Variants in DDX6 observed in about 807,000 individuals in gnomAD.
DDX6 encodes DEAD-box helicase 6.
DDX6 carries 7 observed loss-of-function variants against 60.6 expected under a neutral mutation model. That is an observed-to-expected ratio of 0.12 (90% CI 0.07 to 0.22). DDX6 has a LOEUF of 0.22. DDX6 is among the 10% of genes least tolerant of loss of function. DDX6 has a pLI of 1.00. For synonymous variants in DDX6, 207 were observed against 201.0 expected, an observed-to-expected ratio of 1.03 and a Z score of -0.25; for missense variants, 270 against 589.9, an observed-to-expected ratio of 0.46 and a Z score of 5.62.
At position 118,747,854 on chromosome 11, in the gene DDX6, G is replaced by A. The variant is rs1186119890; in HGVS notation, c.*4251C>T. On this transcript the variant is annotated 3_prime_UTR_variant, in exon 14 of 14. Coordinates refer to ENST00000534980, the MANE Select transcript of DDX6 (RefSeq NM_004397.6). ...AACCTTATAAACTCAGCAGACTCCG[G>A]TCCATATATGCGTACATACAACATA... 6.7e-6 allele frequency: 1 copy of A among 150,192 alleles called. No individual in the cohort carries two copies. The allele number at this position is 150,192 out of a possible 1,614,324, so 9.3% of individuals were successfully genotyped here.
Position 118,758,757 on chromosome 11 carries a change from A to C in DDX6, c.993+17T>G. The C allele has an allele frequency of 6.2e-7, 1 of 1,612,458 alleles. No homozygotes were observed. The highest frequency in any genetic ancestry group is 8.5e-7 in the Non-Finnish European group (1 of 1,179,288). ...GACTCGAGAGATAATATTCAACAGCAGAAGCCTACTTCTTACCCTGGAGAA... is the reference window on the plus strand; with the variant it reads ...GACTCGAGAGATAATATTCAACAGCCGAAGCCTACTTCTTACCCTGGAGAA... On this transcript the variant is annotated intron_variant, in intron 9 of 13. Coordinates refer to ENST00000534980, the MANE Select transcript of DDX6 (RefSeq NM_004397.6).
intron 5 of DDX6, among the ~76,000 whole-genome samples, chr11:118,766,200 G>C (rs1861348807): frequency 6.6e-6 from 1 of 152,092 alleles, no homozygotes. Context: ...GCTGAGGCAG[G>C]AGGATCGTTT....
At chr11:118,767,614 G>A (rs1229753997) in intron 5 of DDX6, 1 of 140,308 alleles carries the variant, frequency 7.1e-6, no homozygotes, top group Non-Finnish European at 1.5e-5. Flanking sequence ...AACTTCTCAT[G>A]ACCTCAGCCG....
chr11:118,763,632 G>A (rs1395467111), intron 6 of DDX6, among the ~76,000 whole-genome samples: 4 of 151,898 alleles, frequency 2.6e-5, no homozygotes, highest in African/African-American at 9.7e-5. Flanking sequence ...TCAGGAGTTC[G>A]AGACCAGCCT....
intron 13 of DDX6, among the ~76,000 whole-genome samples, chr11:118,754,382 G>C (rs1860891845): frequency 6.6e-6 from 1 of 152,088 alleles, no homozygotes; most frequent in Non-Finnish European, 1.5e-5. Context: ...ACTCCAGCCT[G>C]GATGACAGTG....
At position 118,758,827 on chromosome 11, in the gene DDX6, C is replaced by G; in HGVS notation, c.940G>C (p.Ala314Pro). ...ACTTTTTGGCGCTCAGTTACATATGCGTAGTACTGGGTTACTCCCTTCAGA... is the reference window on the plus strand; with the variant it reads ...ACTTTTTGGCGCTCAGTTACATATGGGTAGTACTGGGTTACTCCCTTCAGA... Reference protein sequence around the residue: ...LTLKGVTQYYAYVTERQKVHC... With the variant: ...LTLKGVTQYYPYVTERQKVHC... Residue 314 changes from alanine (A) to proline (P), a missense_variant, in exon 9 of 14, where the codon GCA (alanine) becomes CCA (proline). Around this residue, in one of 8 missense-constraint regions of DDX6, gnomAD observed 69 missense variants for 208.2 expected, o/e 0.33. Transcript: ENST00000534980. 6.2e-7 allele frequency: 1 copy of G among 1,613,760 alleles called. No individual in the cohort carries two copies. Among genetic ancestry groups the G allele is most frequent in the Non-Finnish European group, 8.5e-7 (1 of 1,179,806 alleles).
chr11:118,759,140 A>ACCTCCAC (rs1861079956), intron 8 of DDX6: 1 of 348,158 alleles, frequency 2.9e-6, no homozygotes, highest in Non-Finnish European at 5.2e-6. Flanking sequence ...GCTCCCTGCA[A>ACCTCCAC]CCTCCACCTC....
At chr11:118,756,111 C>A in intron 11 of DDX6, 149 bp downstream of exon 11, 1 of 562,972 alleles carries the variant, frequency 1.8e-6, no homozygotes, top group South Asian at 2.1e-5. Context: ...CAGGAGCTGA[C>A]AAGAGTTCAT....
At chr11:118,768,140 C>A in intron 5 of DDX6, 83 bp downstream of exon 5, 1 of 1,304,850 alleles carries the variant, frequency 7.7e-7, no homozygotes, top group Non-Finnish European at 1.0e-6. Flanking sequence ...TAAATTCTGA[C>A]TAAAAAAAGA....
At chr11:118,784,783 C>T (rs1021590408) in intron 2 of DDX6, among the ~76,000 whole-genome samples, 3 of 150,812 alleles carry the variant, frequency 2.0e-5, no homozygotes, top group African/African-American at 7.3e-5. Flanking sequence ...TGGAGTTTCG[C>T]TCTTGTTGCC....
chr11:118,763,157 T>C, intron 7 of DDX6, 55 bp downstream of exon 7: 2 of 1,247,950 alleles, frequency 1.6e-6, no homozygotes, highest in Non-Finnish European at 1.1e-6. Flanking sequence ...CTGGCAGTTA[T>C]AAGCAAAGCA....
rs1591925039 is a variant in DDX6 at position 118,783,826 on chromosome 11, T to TAAAAAAAAAAA, written c.200+2225_200+2226insTTTTTTTTTTT. On this transcript the variant is annotated intron_variant, in intron 2 of 13. Transcript: ENST00000534980. ...AGTCCATCTCAAAAAAAAAAAAAATTAAAAATAGGCTGGGCGCAGTGGCTC... is the reference window on the plus strand; with the variant it reads ...AGTCCATCTCAAAAAAAAAAAAAATTAAAAAAAAAAAAAAAATAGGCTGGGCGCAGTGGCTC... 2.3e-4 allele frequency among the ~76,000 whole-genome samples: 13 copies of TAAAAAAAAAAA among 55,502 alleles called. No individual in the cohort carries two copies. The East Asian group carries it at 3.3e-3, about 14-fold the overall frequency. 36.4% of individuals were successfully genotyped at this position (55,502 alleles called of 152,430 possible).
upstream of DDX6, chr11:118,791,310 C>T (rs1462948292): frequency 6.6e-6 from 1 of 152,146 alleles, no homozygotes; most frequent in Non-Finnish European, 1.5e-5. Flanking sequence ...GCGTCACTGC[C>T]TTCCTGGCCT....
intron 1 of DDX6, chr11:118,789,680 G>C (rs1457063086): frequency 6.6e-6 from 1 of 152,162 alleles, no homozygotes; most frequent in Non-Finnish European, 1.5e-5. Flanking sequence ...GCAGTTCACA[G>C]AGACTTAGCT....
chr11:118,777,897 G>GA (rs374046858), intron 4 of DDX6, among the ~76,000 whole-genome samples: 3,370 of 99,602 alleles, frequency 0.034, 201 homozygotes, highest in African/African-American at 0.12. Context: ...TCAAAAAAGA[G>GA]AAAAAAAAAA....
chr11:118,788,744 C>G (rs929364049), intron 1 of DDX6: 1 of 152,106 alleles, frequency 6.6e-6, no homozygotes, highest in African/African-American at 2.4e-5. Context: ...GAGTGGAGTG[C>G]AGTAGCCCGA....
chr11:118,770,364 C>T (rs1861496714), intron 4 of DDX6, among the ~76,000 whole-genome samples: 1 of 152,106 alleles, frequency 6.6e-6, no homozygotes, highest in Admixed American at 6.6e-5. Flanking sequence ...TACTAGGAAC[C>T]AAATTCACAG....
intron 1 of DDX6, chr11:118,790,344 A>G (rs1295285412): frequency 6.6e-6 from 1 of 152,076 alleles, no homozygotes; most frequent in Non-Finnish European, 1.5e-5. Flanking sequence ...CAACCGCTCC[A>G]TTAGTAGCAA....
In DDX6 at chr11:118,768,326, A is replaced by G. The variant is rs375199712; in HGVS notation, c.396T>C (p.Ser132=). 3.1e-6 allele frequency: 5 copies of G among 1,612,606 alleles called. No individual in the cohort carries two copies. The highest frequency in any genetic ancestry group is 1.7e-5 in the Admixed American group (1 of 60,008). ...IQEESIPIAL[S]GRDILARAKN... ...TTGCTCTAGCTAAGATATCCCTACC[A>G]GATAAAGCAATGGGAATGCTCTCCT... is the stretch of plus-strand genomic sequence containing the variant. The change falls in exon 5 of 14, where the codon TCT becomes TCC. Residue 132 remains serine (S), a synonymous_variant. Coordinates refer to ENST00000534980, the MANE Select transcript of DDX6 (RefSeq NM_004397.6).
Sources: gnomAD v4.1 joint callset for allele counts (sites outside exome capture counted in the v4.1 genomes callset) on GRCh38, gnomAD v4.1.1 for gene constraint, gnomAD v4.1.1 regional missense constraint, MANE v1.5 for transcripts, NCBI Gene and HGNC (gene_info 2026-07-23, HGNC 2026-07-21) for gene names.